PDCD11: variants seen among roughly 807,000 people sequenced by gnomAD.
PDCD11 encodes protein RRP5 homolog.
A neutral mutation model predicts 198.9 loss-of-function variants in PDCD11; 97 were observed. The observed-to-expected ratio is 0.49, with a 90% confidence interval of 0.41 to 0.58. The LOEUF (loss-of-function observed/expected upper bound fraction) is 0.58, where lower values mean the gene tolerates loss of function less well. Among genes scored for constraint, PDCD11 ranks in the 20% least tolerant of loss-of-function variants. The pLI, the probability that PDCD11 is intolerant of heterozygous loss-of-function variation, is 0.00. For missense variants in PDCD11, 2,102 were observed against 2,312.7 expected, an observed-to-expected ratio of 0.91 and a Z score of 1.87; for synonymous variants, 893 against 918.0, an observed-to-expected ratio of 0.97 and a Z score of 0.49.
chr10:103,419,770 C>A, intron 16 of PDCD11, 62 bp downstream of exon 16: 1 of 1,456,058 alleles, frequency 6.9e-7, no homozygotes, highest in Non-Finnish European at 9.5e-7. Flanking sequence ...AACCTGAGGG[C>A]GGGTAGGGAG....
Position 103,398,430 on chromosome 10 carries a change from G to T in PDCD11, c.4G>T (p.Ala2Ser). Residue 2 changes from alanine to serine, a missense_variant, in exon 2 of 36, where the codon GCA becomes TCA. Physicochemically the swap from Ala to Ser is moderately conservative, Grantham distance 99. Transcript: ENST00000369797. M[A>S]NLEESFPRGG... ...ATTGTTTTTAGGAGACCCAAACATG[G>T]CAAACCTGGAAGAAAGCTTCCCCCG... The T allele has an allele frequency of 6.2e-7, 1 of 1,612,094 alleles. No homozygotes were observed. The highest frequency in any genetic ancestry group is 8.5e-7 in the Non-Finnish European group (1 of 1,178,184).
rs1353885728 is a variant in PDCD11 at position 103,438,821 on chromosome 10, G to A, written c.4025+13G>A. ...GTGTGTTCTTTCGGTGAGTGAGGGG[G>A]GCTCTGCACCCGGACCCAAGTGCCT... On this transcript the variant is annotated intron_variant, in intron 27 of 35. Transcript: ENST00000369797. The A allele has an allele frequency of 1.9e-6, 3 of 1,613,418 alleles. No individual in the cohort carries two copies. In the South Asian group the frequency reaches 3.3e-5, roughly 18 times the overall value.
chr10:103,422,660 G>A (rs1041257143), intron 17 of PDCD11, among the ~76,000 whole-genome samples: 2 of 152,044 alleles, frequency 1.3e-5, no homozygotes, highest in African/African-American at 4.8e-5. Context: ...CATTGTGTGG[G>A]GTTGTTGTAA....
chr10:103,429,690 TACCTGA>T (rs1302449300), intron 21 of PDCD11, among the ~76,000 whole-genome samples: 9 of 152,152 alleles, frequency 5.9e-5, no homozygotes, highest in Non-Finnish European at 1.2e-4. Flanking sequence ...AGGTATACAT[TACCTGA>T]AACAACATGC....
Position 103,425,459 on chromosome 10 carries a change from C to T in PDCD11, c.3239C>T (p.Thr1080Ile), listed in dbSNP as rs1274167827. The change falls in exon 20 of 36, where the codon ACC becomes ATC. Residue 1080 changes from threonine to isoleucine, a missense_variant. Thr to Ile is a moderately conservative substitution (Grantham distance 89). Coordinates refer to ENST00000369797, the MANE Select transcript of PDCD11 (RefSeq NM_014976.2). ...GTTCCAGAGGGCACCTCTCCTACTA[C>T]CAAGCTGAAGGTTGGGAAGACGGTC... ...DDVPEGTSPT[T>I]KLKVGKTVTA... 6.8e-6 allele frequency: 11 copies of T among 1,614,004 alleles called. No homozygotes were observed. The highest frequency in any genetic ancestry group is 9.3e-6 in the Non-Finnish European group (11 of 1,180,018).
At chr10:103,428,760 A>G (rs1382378415) in intron 21 of PDCD11, among the ~76,000 whole-genome samples, 1 of 152,174 alleles carries the variant, frequency 6.6e-6, no homozygotes, top group Non-Finnish European at 1.5e-5. Flanking sequence ...TGGTGTTGGA[A>G]GACTATGGTA....
chr10:103,416,084 T>C (rs761718572), intron 12 of PDCD11, among the ~76,000 whole-genome samples: 14 of 152,170 alleles, frequency 9.2e-5, no homozygotes, highest in Non-Finnish European at 1.8e-4. Flanking sequence ...CAGTTGCATC[T>C]CCATCTTATT....
At chr10:103,405,871 A>T in intron 5 of PDCD11, 114 bp from the exon 6 acceptor site, 1 of 1,102,942 alleles carries the variant, frequency 9.1e-7, no homozygotes, top group Non-Finnish European at 1.3e-6. Flanking sequence ...TTAATGTGGG[A>T]GTGGGATAGT....
intron 3 of PDCD11, among the ~76,000 whole-genome samples, chr10:103,400,975 G>C (rs924750075): frequency 6.6e-6 from 1 of 152,060 alleles, no homozygotes; most frequent in Admixed American, 6.6e-5. Flanking sequence ...GGTTGGTCTC[G>C]AACTCCTGTG....
intron 3 of PDCD11, among the ~76,000 whole-genome samples, chr10:103,400,983 G>T (rs548310325): frequency 3.9e-5 from 6 of 152,148 alleles, no homozygotes; most frequent in Non-Finnish European, 8.8e-5. Context: ...TCGAACTCCT[G>T]TGCTCAAGCA....
chr10:103,441,703 A>G (rs1367014817), intron 30 of PDCD11, 123 bp from the exon 31 acceptor site: 3 of 813,324 alleles, frequency 3.7e-6, no homozygotes, highest in Non-Finnish European at 6.0e-6. Flanking sequence ...CTAGGAGGAG[A>G]GGAGAGGAGA....
intron 11 of PDCD11, among the ~76,000 whole-genome samples, chr10:103,414,652 G>C (rs1354659319): frequency 6.6e-6 from 1 of 152,220 alleles, no homozygotes; most frequent in Non-Finnish European, 1.5e-5. Context: ...TGAGAAGCCA[G>C]TTCCAGGTAC....
At chr10:103,419,465 T>G in intron 15 of PDCD11, 73 bp from the exon 16 acceptor site, 1 of 1,493,214 alleles carries the variant, frequency 6.7e-7, no homozygotes, top group Non-Finnish European at 9.1e-7. Context: ...TCCTTCTCTG[T>G]GGAGAAAGGA....
Position 103,434,081 on chromosome 10 carries a change from A to G in PDCD11, c.3564+44A>G, listed in dbSNP as rs554897135. On this transcript the variant is annotated intron_variant, in intron 23 of 35. Coordinates refer to ENST00000369797, the MANE Select transcript of PDCD11 (RefSeq NM_014976.2). ...CCTGGAGAGGGGACCCAAGTTCCCT[A>G]AGCTTGGCCCAGTGCCTGGTGTGTG... 1.3e-5 allele frequency: 19 copies of G among 1,491,746 alleles called. No homozygotes were observed. The Admixed American group carries it at 1.8e-4, about 14-fold the overall frequency. 92.4% of individuals were successfully genotyped at this position (1,491,746 alleles called of 1,614,324 possible).
chr10:103,416,447 C>CAT, intron 12 of PDCD11, 44 bp from the exon 13 acceptor site: 1 of 1,605,254 alleles, frequency 6.2e-7, no homozygotes, highest in Non-Finnish European at 8.5e-7. Context: ...CAGTGGCTCT[C>CAT]ATGATAACAG....
intron 21 of PDCD11, among the ~76,000 whole-genome samples, chr10:103,429,827 A>G (rs2031853885): frequency 1.3e-5 from 2 of 151,606 alleles, no homozygotes; most frequent in Non-Finnish European, 2.9e-5. Flanking sequence ...GGCAACCACC[A>G]TTTCCCCTTC....
In PDCD11 at chr10:103,441,877, T is replaced by G. The variant is rs373490576; in HGVS notation, c.4609T>G (p.Phe1537Val). The G allele has an allele frequency of 2.7e-5, 43 of 1,614,196 alleles. No homozygotes were observed. The African/African-American group carries it at 3.7e-4, about 14-fold the overall frequency. ...GCCCCGGCTGCAGCTGTCTTCAGGCTTCGCTTGGAATGTGGGACTAGACTC... is the reference window on the plus strand; with the variant it reads ...GCCCCGGCTGCAGCTGTCTTCAGGCGTCGCTTGGAATGTGGGACTAGACTC... ...EAPRLQLSSG[F>V]AWNVGLDSLT... Residue 1537 changes from phenylalanine to valine, a missense_variant, in exon 31 of 36, where the codon TTC becomes GTC. Transcript: ENST00000369797.
At chr10:103,399,347 G>A (rs2093452587) in intron 2 of PDCD11, among the ~76,000 whole-genome samples, 1 of 152,076 alleles carries the variant, frequency 6.6e-6, no homozygotes, top group Admixed American at 6.5e-5. Context: ...ACTGCACCCA[G>A]CTGATGTTTT....
chr10:103,417,875 A>G lies in PDCD11; in HGVS notation c.1854A>G (p.Pro618=), dbSNP rs748375724. Residue 618 remains proline (P), a synonymous_variant, in exon 14 of 36, where the codon CCA becomes CCG. Transcript: ENST00000369797. ...TCAAGCTGTCGAGTGATCCAGAGCC[A>G]AAGAAAGAGCCTGCAGGACACAGTC... ...LSFKLSSDPE[P]KKEPAGHSQK... 2 of 1,614,230 alleles carry G rather than the reference A, an allele frequency of 1.2e-6. 1 individual carries two copies.
Sources: allele counts gnomAD v4.1 joint callset (sites outside exome capture counted in the v4.1 genomes callset), GRCh38; gene constraint gnomAD v4.1.1; transcripts MANE v1.5; gene names NCBI Gene and HGNC (gene_info 2026-07-23, HGNC 2026-07-21).